Variants in GAN observed in about 807,000 individuals in gnomAD.
GAN encodes the protein epididymis secretory sperm binding protein.
GAN carries 48 observed loss-of-function variants against 71.3 expected under a neutral mutation model. That is an observed-to-expected ratio of 0.67 (90% CI 0.53 to 0.86). The LOEUF is 0.86. Among genes scored for constraint, GAN ranks in the 40% least tolerant of loss-of-function variants. The pLI is 0.00. For missense variants in GAN, 928 were observed against 770.1 expected (o/e 1.21, Z -2.43); for synonymous variants, 386 against 276.8 (o/e 1.39, Z -3.92).
intron 5 of GAN, 77 bp from the exon 6 acceptor site, chr16:81,362,422 T>G: frequency 1.3e-6 from 1 of 789,304 alleles, no homozygotes; most frequent in Non-Finnish European, 2.3e-6. Context: ...CTTCAGATGC[T>G]GTTTCTATAT....
chr16:81,359,154 A>G (rs1910587513), intron 5 of GAN, among the ~76,000 whole-genome samples: 1 of 152,078 alleles, frequency 6.6e-6, no homozygotes. Context: ...TGCAGGATGT[A>G]GGTCTAGTTT....
At chr16:81,349,871 C>T (rs1040931854) in intron 1 of GAN, among the ~76,000 whole-genome samples, 4 of 152,142 alleles carry the variant, frequency 2.6e-5, no homozygotes, top group African/African-American at 9.7e-5. Flanking sequence ...TAGCAGGTAA[C>T]ACAGTGTCAA....
Position 81,342,708 on chromosome 16 carries a change from C to T in GAN, c.168-8875C>T, listed in dbSNP as rs149586709. ...AGATCTAAAATCCACACCCTAGCAT[C>T]ACAATTAAAAGAACTAGAGAAGCAA... On this transcript the variant is annotated intron_variant, in intron 1 of 10. Coordinates refer to ENST00000648994, the MANE Select transcript of GAN (RefSeq NM_022041.4). Among the ~76,000 whole-genome samples, 118 of 152,228 alleles carry T rather than the reference C, an allele frequency of 7.8e-4. 1 individual carries two copies. The highest frequency in any genetic ancestry group is 2.7e-3 in the African/African-American group (111 of 41,530).
chr16:81,349,587 T>C (rs1459805653), intron 1 of GAN, among the ~76,000 whole-genome samples: 1 of 152,128 alleles, frequency 6.6e-6, no homozygotes, highest in Non-Finnish European at 1.5e-5. Flanking sequence ...GAGGTTGTAG[T>C]GAGCCATGAT....
intron 9 of GAN, among the ~76,000 whole-genome samples, chr16:81,376,608 GTATGTA>G (rs907239632): frequency 4.0e-5 from 6 of 149,406 alleles, no homozygotes; most frequent in Non-Finnish European, 7.4e-5. Flanking sequence ...TATATTATAT[GTATGTA>G]TATGTATATA....
At chr16:81,341,803 T>C (rs1440829192) in intron 1 of GAN, among the ~76,000 whole-genome samples, 2 of 152,136 alleles carry the variant, frequency 1.3e-5, no homozygotes, top group Non-Finnish European at 2.9e-5. Context: ...TAAATGTAAA[T>C]GGGCTAAATA....
intron 5 of GAN, among the ~76,000 whole-genome samples, chr16:81,361,270 CTGCCTTAGA>C (rs1383550516): frequency 1.3e-5 from 2 of 152,144 alleles, no homozygotes; most frequent in Non-Finnish European, 2.9e-5. Flanking sequence ...CAATAACTTT[CTGCCTTAGA>C]TGTCCTGGGA....
rs1449914739 is a variant in GAN at position 81,377,273 on chromosome 16, T to A, written c.1557T>A (p.Val519=). ...NLCIPASSSF[V]YGAVPIGASI... ...GCATCCCCGCCAGTTCCTCTTTTGT[T>A]TATGGAGCTGTACCTATAGGAGCCA... Residue 519 remains valine (V), a synonymous_variant, in exon 10 of 11, where the codon GTT becomes GTA. Coordinates refer to ENST00000648994, the MANE Select transcript of GAN (RefSeq NM_022041.4). The A allele has an allele frequency of 6.2e-7, 1 of 1,612,458 alleles. No homozygotes were observed. The highest frequency in any genetic ancestry group is 1.1e-5 in the South Asian group (1 of 91,050).
At position 81,355,060 on chromosome 16, in the gene GAN, T is replaced by A. The variant is rs116322464; in HGVS notation, c.633+305T>A. 1.5e-3 allele frequency among the ~76,000 whole-genome samples: 232 copies of A among 152,278 alleles called. 1 individual carries two copies. The highest frequency in any genetic ancestry group is 5.4e-3 in the African/African-American group (224 of 41,556). ...AGCTGGAGATTATAGAAACGCAGTA[T>A]CCCCACCCTTGCTCTCAGCATCCTG... On this transcript the variant is annotated intron_variant, in intron 3 of 10. Transcript: ENST00000648994.
chr16:81,358,048 T>C, intron 5 of GAN, 117 bp downstream of exon 5: 1 of 906,922 alleles, frequency 1.1e-6, no homozygotes, highest in Non-Finnish European at 1.8e-6. Context: ...CTACATGACA[T>C]TTTTAGTGTA....
At chr16:81,323,727 G>C (rs146759450) in intron 1 of GAN, among the ~76,000 whole-genome samples, 331 of 152,270 alleles carry the variant, frequency 2.2e-3, no homozygotes, top group African/African-American at 7.6e-3. Context: ...TCTATGTACT[G>C]GCAAGATGGT....
chr16:81,346,385 TTAGGACTGGGCCATGG>T (rs1910119136), intron 1 of GAN, among the ~76,000 whole-genome samples: 1 of 52,982 alleles, frequency 1.9e-5, no homozygotes, highest in Non-Finnish European at 5.8e-5. Context: ...TTCTAAGGCC[TTAGGACTGGGCCATGG>T]CCTTAGGACT....
rs543578174 is a variant in GAN at position 81,357,360 on chromosome 16, G to T, written c.851+358G>T. On this transcript the variant is annotated intron_variant, in intron 4 of 10. Coordinates refer to ENST00000648994, the MANE Select transcript of GAN (RefSeq NM_022041.4). ...CTATGAGTGAGAATATGCGGTGTTTGGTTTTTTGTTCTTGCGATAGTTTAC... is the reference window on the plus strand; with the variant it reads ...CTATGAGTGAGAATATGCGGTGTTTTGTTTTTTGTTCTTGCGATAGTTTAC... Among the ~76,000 whole-genome samples the T allele has an allele frequency of 3.3e-3, 503 of 152,192 alleles. 2 individuals carry two copies. The highest frequency in any genetic ancestry group is 0.011 in the African/African-American group (471 of 41,506).
intron 9 of GAN, among the ~76,000 whole-genome samples, chr16:81,376,052 G>A (rs1904278751): frequency 6.6e-6 from 1 of 151,674 alleles, no homozygotes. Context: ...CTTCAGGGAA[G>A]TATACGCCAT....
At chr16:81,338,898 C>T (rs1414738896) in intron 1 of GAN, among the ~76,000 whole-genome samples, 1 of 152,216 alleles carries the variant, frequency 6.6e-6, no homozygotes, top group African/African-American at 2.4e-5. Context: ...GGTAGATGAT[C>T]ATCCAGCATG....
rs575765895 is a variant in GAN, at chr16:81,334,674, GC to G, written c.168-16907del. 1.7e-3 allele frequency among the ~76,000 whole-genome samples: 262 copies of G among 152,296 alleles called. 1 individual carries two copies. The highest frequency in any genetic ancestry group is 6.0e-3 in the African/African-American group (250 of 41,558). ...TGCTGAGTGTCCAGCACACCCTGGG[GC>G]CGATATGGAGAGAAAGTATCCCCTT... is the stretch of plus-strand genomic sequence containing the variant. On this transcript the variant is annotated intron_variant, in intron 1 of 10. Coordinates refer to ENST00000648994, the MANE Select transcript of GAN (RefSeq NM_022041.4).
At chr16:81,335,283 G>A (rs1909717701) in intron 1 of GAN, among the ~76,000 whole-genome samples, 1 of 152,078 alleles carries the variant, frequency 6.6e-6, no homozygotes, top group South Asian at 2.1e-4. Flanking sequence ...AAGCTCTCCT[G>A]AACATTCTGA....
intron 1 of GAN, among the ~76,000 whole-genome samples, chr16:81,342,901 A>G (rs2150678798): frequency 6.6e-6 from 1 of 152,340 alleles, no homozygotes; most frequent in Middle Eastern, 3.4e-3. Context: ...AAAGAAGAAA[A>G]GAGAGAAGAA....
At chr16:81,366,269 T>A (rs114145410) in intron 9 of GAN, among the ~76,000 whole-genome samples, 290 of 152,334 alleles carry the variant, frequency 1.9e-3, no homozygotes, top group African/African-American at 6.8e-3. Context: ...TCCAGCATCC[T>A]ACCTGTCTGT....
Sources: gnomAD v4.1 joint callset for allele counts (sites outside exome capture counted in the v4.1 genomes callset) on GRCh38, gnomAD v4.1.1 for gene constraint, MANE v1.5 for transcripts, NCBI Gene and HGNC (gene_info 2026-07-23, HGNC 2026-07-21) for gene names.